The following COMMD1 variants were observed in gnomAD, a reference collection of about 807,000 sequenced individuals.
COMMD1 encodes the protein COMM domain-containing protein 1.
A neutral mutation model predicts 17.2 loss-of-function variants in COMMD1; 10 were observed. The observed-to-expected ratio is 0.58, with a 90% CI of 0.36 to 0.99. The LOEUF is 0.99. Ranked by LOEUF, COMMD1 falls within the 50% of genes least tolerant of loss-of-function variation. The probability of loss-of-function intolerance (pLI) is 0.01; values close to 1 mark genes in which losing one functional copy is unlikely to be tolerated. For missense variants in COMMD1, 270 were observed against 231.8 expected (o/e 1.17, Z -1.07); for synonymous variants, 97 against 91.6 (o/e 1.06, Z -0.34).
At chr2:62,092,776 A>G (rs534560785) in intron 2 of COMMD1, among the ~76,000 whole-genome samples, 1 of 152,304 alleles carries the variant, frequency 6.6e-6, no homozygotes, top group South Asian at 2.1e-4. Flanking sequence ...GCCAGTTTGT[A>G]TAAGCCCTTA....
chr2:61,893,993 T>A (rs1322517062), intron 1 of COMMD1, among the ~76,000 whole-genome samples: 1 of 151,926 alleles, frequency 6.6e-6, no homozygotes, highest in Non-Finnish European at 1.5e-5. Context: ...AGCCCAGGAG[T>A]TAAAGGATGC....
chr2:61,971,918 C>T (rs1194548161), intron 1 of COMMD1, among the ~76,000 whole-genome samples: 1 of 151,908 alleles, frequency 6.6e-6, no homozygotes, highest in Non-Finnish European at 1.5e-5. Context: ...TCCAGGAGTT[C>T]GAGACCAGCC....
intron 2 of COMMD1, among the ~76,000 whole-genome samples, chr2:62,089,281 T>TTTC (rs1553389401): frequency 7.2e-6 from 1 of 139,244 alleles, no homozygotes; most frequent in Admixed American, 7.2e-5. Flanking sequence ...TCTTTCTTTC[T>TTTC]TTTTTTTTTT....
upstream of COMMD1, among the ~76,000 whole-genome samples, chr2:61,902,716 T>C (rs891842018): frequency 1.3e-5 from 2 of 152,152 alleles, no homozygotes; most frequent in African/African-American, 4.8e-5. Context: ...GGTACGGTAG[T>C]GTGTGCTCAT....
chr2:62,091,515 A>G (rs1671828261), intron 2 of COMMD1, among the ~76,000 whole-genome samples: 1 of 152,220 alleles, frequency 6.6e-6, no homozygotes, highest in African/African-American at 2.4e-5. Context: ...GGTATCCCAG[A>G]CAATTGTTAG....
intron 2 of COMMD1, among the ~76,000 whole-genome samples, chr2:62,115,832 T>TTTTCTTTC (rs772454952): frequency 4.4e-5 from 6 of 135,198 alleles, no homozygotes; most frequent in Middle Eastern, 3.8e-3. Context: ...TGGGTTTTTT[T>TTTTCTTTC]TTTCTTTCTT....
intron 1 of COMMD1, among the ~76,000 whole-genome samples, chr2:61,976,159 C>A (rs1573021841): frequency 1.4e-5 from 2 of 146,032 alleles, no homozygotes. Flanking sequence ...ACTAGGGTAG[C>A]TTTAAAAAAA....
intron 2 of COMMD1, among the ~76,000 whole-genome samples, chr2:62,066,782 G>T (rs1671060612): frequency 6.6e-6 from 1 of 151,850 alleles, no homozygotes; most frequent in African/African-American, 2.4e-5. Flanking sequence ...CTGGAGTGCA[G>T]AGGTGGGATT....
At chr2:62,036,959 G>A (rs1239228776) in intron 2 of COMMD1, among the ~76,000 whole-genome samples, 2 of 152,058 alleles carry the variant, frequency 1.3e-5, no homozygotes, top group Non-Finnish European at 2.9e-5. Context: ...GGGGTGATTG[G>A]GGACAATGAG....
chr2:62,013,748 T>C lies in COMMD1; in HGVS notation c.462+12766T>C, dbSNP rs535562751. 1.7e-3 allele frequency among the ~76,000 whole-genome samples: 259 copies of C among 152,334 alleles called. 1 individual carries two copies. The highest frequency in any genetic ancestry group is 5.9e-3 in the African/African-American group (244 of 41,590). ...GGGGGTAACACCTTGTTTTTTCTTG[T>C]AAGACTATGTTAGCATAATTTGGTA... is the stretch of plus-strand genomic sequence containing the variant. On this transcript the variant is annotated intron_variant, in intron 2 of 2. Transcript: ENST00000311832.
At chr2:61,894,162 C>T (rs1030851069) in intron 1 of COMMD1, among the ~76,000 whole-genome samples, 3 of 152,146 alleles carry the variant, frequency 2.0e-5, no homozygotes, top group Admixed American at 6.6e-5. Flanking sequence ...TGCAGTAGCA[C>T]GATCTTGGCT....
chr2:62,033,620 G>A (rs1669966588), intron 2 of COMMD1, among the ~76,000 whole-genome samples: 1 of 151,906 alleles, frequency 6.6e-6, no homozygotes, highest in African/African-American at 2.4e-5. Context: ...TTAAAAAGAA[G>A]TACCTTAGAT....
intron 1 of COMMD1, among the ~76,000 whole-genome samples, chr2:61,889,202 CTTTTTTTTTT>C (rs34949326): frequency 6.2e-4 from 34 of 54,786 alleles, no homozygotes; most frequent in African/African-American, 2.1e-3. Context: ...GAAGCCCGGC[CTTTTTTTTTT>C]TTTTTTTTTT....
intron 2 of COMMD1, among the ~76,000 whole-genome samples, chr2:62,011,592 G>A (rs1005045874): frequency 1.3e-5 from 2 of 151,980 alleles, no homozygotes; most frequent in African/African-American, 4.8e-5. Context: ...GATAAATCAC[G>A]TAACTCACTA....
chr2:62,100,531 A>G (rs1403892711), intron 2 of COMMD1, among the ~76,000 whole-genome samples: 4 of 152,194 alleles, frequency 2.6e-5, no homozygotes, highest in Non-Finnish European at 5.9e-5. Context: ...TCAGAAAGGC[A>G]GGACAACTCA....
At position 62,045,722 on chromosome 2, in the gene COMMD1, T is replaced by A. The variant is rs571400365; in HGVS notation, c.462+44740T>A. Among the ~76,000 whole-genome samples the A allele has an allele frequency of 8.7e-5, 13 of 148,626 alleles. No individual in the cohort carries two copies. In the South Asian group the frequency reaches 2.6e-3, roughly 29 times the overall value. On this transcript the variant is annotated intron_variant, in intron 2 of 2. Transcript: ENST00000311832. ...TGGCCTCCTATTATCATCTTTACTTTCAAGTTAATTTTTTTTTTTTTTTTT... is the reference window on the plus strand; with the variant it reads ...TGGCCTCCTATTATCATCTTTACTTACAAGTTAATTTTTTTTTTTTTTTTT...
intron 2 of COMMD1, among the ~76,000 whole-genome samples, chr2:62,027,450 A>AT (rs1295435882): frequency 6.6e-6 from 1 of 152,052 alleles, no homozygotes; most frequent in Non-Finnish European, 1.5e-5. Context: ...TTCATTCATA[A>AT]TTTTTTTGTC....
intron 1 of COMMD1, among the ~76,000 whole-genome samples, chr2:61,941,386 C>T (rs915894310): frequency 3.3e-5 from 5 of 152,158 alleles, no homozygotes; most frequent in African/African-American, 1.2e-4. Flanking sequence ...TTTGATAAGG[C>T]TTCTCAGGCA....
At chr2:62,021,127 T>C (rs1007664295) in intron 2 of COMMD1, among the ~76,000 whole-genome samples, 1 of 152,160 alleles carries the variant, frequency 6.6e-6, no homozygotes. Flanking sequence ...CTCACCAAGG[T>C]TGAATTTTAT....
Sources: gnomAD v4.1 joint callset for allele counts (sites outside exome capture counted in the v4.1 genomes callset) on GRCh38, gnomAD v4.1.1 for gene constraint, MANE v1.5 for transcripts, NCBI Gene and HGNC (gene_info 2026-07-23, HGNC 2026-07-21) for gene names.